The following SOX6 variants were observed in gnomAD, a reference collection of about 807,000 sequenced individuals.
SOX6 encodes the protein transcription factor SOX-6.
Under a neutral mutation model 97.8 loss-of-function variants are expected in SOX6, and 11 were observed. That is an observed-to-expected ratio of 0.11 (90% CI 0.07 to 0.19). The LOEUF is 0.19. Among genes scored for constraint, SOX6 ranks in the 10% least tolerant of loss-of-function variants. The pLI is 1.00. For synonymous variants in SOX6, 360 were observed against 371.4 expected (o/e 0.97, Z 0.35); for missense variants, 810 against 1,039.5 (o/e 0.78, Z 3.04).
At chr11:16,095,851 C>A (rs1196011736) in intron 9 of SOX6, 145 bp downstream of exon 9, 16 of 938,568 alleles carry the variant, frequency 1.7e-5, no homozygotes, top group Non-Finnish European at 1.9e-5. Context: ...AAAGAAGAGC[C>A]TCCTTAGGAA....
intron 1 of SOX6, among the ~76,000 whole-genome samples, chr11:16,394,893 A>G (rs988110108): frequency 6.6e-6 from 1 of 151,872 alleles, no homozygotes; most frequent in Non-Finnish European, 1.5e-5. Context: ...CGAGGACACA[A>G]AGTGACAGAC....
At chr11:16,508,941 C>T (rs550206716) in intron 4 of SOX6, among the ~76,000 whole-genome samples, 115 of 152,006 alleles carry the variant, frequency 7.6e-4, no homozygotes, top group African/African-American at 2.7e-3. Context: ...AACATGTATA[C>T]TCCATAAATA....
chr11:16,156,373 C>T (rs946501496), intron 6 of SOX6, among the ~76,000 whole-genome samples: 6 of 151,794 alleles, frequency 4.0e-5, no homozygotes, highest in Non-Finnish European at 8.8e-5. Flanking sequence ...TTAGTATTTC[C>T]GAAAATTCTG....
At chr11:15,976,634 G>T (rs553761087) in intron 15 of SOX6, among the ~76,000 whole-genome samples, 1 of 152,248 alleles carries the variant, frequency 6.6e-6, no homozygotes, top group East Asian at 1.9e-4. Flanking sequence ...CAATACTCTG[G>T]TTCACAAGCC....
At chr11:16,145,062 G>C (rs1317089601) in intron 6 of SOX6, among the ~76,000 whole-genome samples, 4 of 152,224 alleles carry the variant, frequency 2.6e-5, no homozygotes, top group African/African-American at 9.6e-5. Flanking sequence ...GAGAATTTTC[G>C]ACCAATATCC....
chr11:16,138,569 C>CT (rs1157796478), intron 6 of SOX6, among the ~76,000 whole-genome samples: 1 of 150,880 alleles, frequency 6.6e-6, no homozygotes. Flanking sequence ...TATTATTATA[C>CT]TTTAAGTTTT....
At chr11:16,437,186 C>A (rs1279686730) in intron 1 of SOX6, among the ~76,000 whole-genome samples, 1 of 151,626 alleles carries the variant, frequency 6.6e-6, no homozygotes, top group African/African-American at 2.4e-5. Flanking sequence ...GGGAGGTGGA[C>A]TGACCCCAAG....
intron 1 of SOX6, among the ~76,000 whole-genome samples, chr11:16,391,486 A>T (rs1910407): frequency 0.6 from 90,889 of 151,890 alleles, 27,250 homozygotes; most frequent in Non-Finnish European, 0.61. Context: ...CTTTTTCATT[A>T]TATCCTCTTT....
At chr11:16,684,515 G>C (rs1428161969) in intron 3 of SOX6, among the ~76,000 whole-genome samples, 2 of 151,358 alleles carry the variant, frequency 1.3e-5, no homozygotes, top group Non-Finnish European at 2.9e-5. Context: ...TCACTCATAG[G>C]TGGGAGCTGA....
intron 4 of SOX6, among the ~76,000 whole-genome samples, chr11:16,209,289 T>A (rs1031552044): frequency 1.3e-5 from 2 of 152,172 alleles, no homozygotes; most frequent in African/African-American, 2.4e-5. Context: ...TTCGGGGGTC[T>A]TCATTAGCTT....
intron 4 of SOX6, among the ~76,000 whole-genome samples, chr11:16,600,965 T>C (rs1346450842): frequency 6.6e-6 from 1 of 152,162 alleles, no homozygotes. Flanking sequence ...TACTTGAATA[T>C]TGAGATTCAG....
At chr11:16,629,690 T>C (rs190322424) in intron 3 of SOX6, among the ~76,000 whole-genome samples, 59 of 152,272 alleles carry the variant, frequency 3.9e-4, no homozygotes, top group African/African-American at 1.3e-3. Flanking sequence ...TCTTTGTGCA[T>C]CTAGTAGAAT....
intron 4 of SOX6, among the ~76,000 whole-genome samples, chr11:16,215,187 G>A (rs940069030): frequency 6.6e-5 from 10 of 152,102 alleles, no homozygotes; most frequent in Admixed American, 4.6e-4. Context: ...ATGAGCAAAA[G>A]AGAACAAAGC....
chr11:16,174,362 A>G (rs1369428209), intron 6 of SOX6, among the ~76,000 whole-genome samples: 1 of 151,966 alleles, frequency 6.6e-6, no homozygotes, highest in African/African-American at 2.4e-5. Context: ...TACAACTTTA[A>G]CATTTTCTTA....
At chr11:16,586,177 T>C (rs1230330536) in intron 4 of SOX6, among the ~76,000 whole-genome samples, 1 of 152,146 alleles carries the variant, frequency 6.6e-6, no homozygotes, top group African/African-American at 2.4e-5. Context: ...CTGCTCACTG[T>C]CTACTGCAAT....
intron 1 of SOX6, among the ~76,000 whole-genome samples, chr11:16,422,716 A>G (rs1017736226): frequency 5.3e-5 from 8 of 152,214 alleles, no homozygotes; most frequent in Admixed American, 2.0e-4. Flanking sequence ...CACCCTGCAC[A>G]GGGCTGTAAA....
chr11:16,112,062 A>G, intron 6 of SOX6, 139 bp from the exon 7 acceptor site: 1 of 1,093,830 alleles, frequency 9.1e-7, no homozygotes, highest in Non-Finnish European at 1.3e-6. Flanking sequence ...AATCTGAGAA[A>G]ATTCAGTTAA....
chr11:16,036,380 G>A (rs979408285), intron 12 of SOX6, among the ~76,000 whole-genome samples: 2 of 152,040 alleles, frequency 1.3e-5, no homozygotes, highest in Non-Finnish European at 1.5e-5. Context: ...CACCCGGCCT[G>A]ATTCAACTCT....
At chr11:16,067,485 C>G (rs566522552) in intron 9 of SOX6, among the ~76,000 whole-genome samples, 46 of 152,228 alleles carry the variant, frequency 3.0e-4, no homozygotes, top group Admixed American at 2.7e-3. Flanking sequence ...TGCCTTTGCT[C>G]CTCCTTCACC....
Sources: gnomAD v4.1 joint callset for allele counts (sites outside exome capture counted in the v4.1 genomes callset) on GRCh38, gnomAD v4.1.1 for gene constraint, MANE v1.5 for transcripts, NCBI Gene and HGNC (gene_info 2026-07-23, HGNC 2026-07-21) for gene names.